The following FAT4 variants were observed in gnomAD, a reference collection of about 807,000 sequenced individuals.
FAT4 encodes the protein FAT atypical cadherin 4, also known as protocadherin Fat 4.
In FAT4, 84 loss-of-function variants were observed where a neutral mutation model predicts 303.9. The ratio of observed to expected loss-of-function variants is 0.28; its 90% confidence interval spans 0.23 to 0.33. The LOEUF is 0.33. FAT4 is among the 10% of genes least tolerant of loss of function. FAT4 has a pLI of 1.00. For missense variants in FAT4, 6,005 were observed against 6,146.8 expected (o/e 0.98, Z 0.77); for synonymous variants, 2,307 against 2,298.8 (o/e 1.00, Z -0.10).
At chr4:125,347,557 G>A (rs1332413766) in intron 2 of FAT4, among the ~76,000 whole-genome samples, 1 of 151,008 alleles carries the variant, frequency 6.6e-6, no homozygotes, top group Non-Finnish European at 1.5e-5. Context: ...ATATATATTT[G>A]ATATATAATT....
intron 2 of FAT4, among the ~76,000 whole-genome samples, chr4:125,360,979 AT>A (rs1308032805): frequency 7.5e-6 from 1 of 134,136 alleles, no homozygotes; most frequent in African/African-American, 2.7e-5. Flanking sequence ...ATTATTATTT[AT>A]TTTATTTATT....
rs571784369 is a variant in FAT4, at chr4:125,370,818, A to G, written c.5176-27966A>G. Reference sequence around the variant, plus strand: ...AATTTTCAAAAAATTTCAAAATTTTATAGAAATCATCACAGTTCTCTTTAT... The same window carrying G: ...AATTTTCAAAAAATTTCAAAATTTTGTAGAAATCATCACAGTTCTCTTTAT... On this transcript the variant is annotated intron_variant, in intron 2 of 17. Transcript: ENST00000394329. Among the ~76,000 whole-genome samples the G allele has an allele frequency of 2.0e-4, 31 of 152,298 alleles. No homozygotes were observed. The South Asian group carries it at 6.2e-3, about 31-fold the overall frequency.
Position 125,321,320 on chromosome 4 carries a change from A to G in FAT4, c.4909A>G (p.Ile1637Val). Reference protein sequence around the residue: ...PVFTQPKYITILKEGEPIGTN... With the variant: ...PVFTQPKYITVLKEGEPIGTN... ...TTTTACTCAACCCAAATATATAACTATTTTGAAGGAAGGAGAACCCATTGG... is the reference window on the plus strand; with the variant it reads ...TTTTACTCAACCCAAATATATAACTGTTTTGAAGGAAGGAGAACCCATTGG... Residue 1637 changes from isoleucine (I) to valine (V), a missense_variant, in exon 2 of 18, where the codon ATT becomes GTT. By Grantham distance (29) the Ile-to-Val change is conservative. Coordinates refer to ENST00000394329, the MANE Select transcript of FAT4 (RefSeq NM_001291303.3). The G allele has an allele frequency of 6.2e-7, 1 of 1,614,094 alleles. No homozygotes were observed. Among genetic ancestry groups the G allele is most frequent in the Non-Finnish European group, 8.5e-7 (1 of 1,179,992 alleles).
At position 125,415,751 on chromosome 4, in the gene FAT4, C is replaced by T. The variant is rs781586838; in HGVS notation, c.6788C>T (p.Pro2263Leu). ...TTTGTTCCTGTATTTGAGCTATCTC[C>T]ATATTCTGTAAATGTCCCTGAGAAT... ...NDFVPVFELS[P>L]YSVNVPENLG... The change falls in exon 6 of 18, where the codon CCA becomes CTA. Residue 2263 changes from proline (P) to leucine (L), a missense_variant. Pro to Leu is a moderately conservative substitution (Grantham distance 98). Coordinates refer to ENST00000394329, the MANE Select transcript of FAT4 (RefSeq NM_001291303.3). 3.7e-6 allele frequency: 6 copies of T among 1,613,870 alleles called. No individual in the cohort carries two copies. Among genetic ancestry groups the T allele is most frequent in the Non-Finnish European group, 5.1e-6 (6 of 1,179,852 alleles).
intron 3 of FAT4, among the ~76,000 whole-genome samples, chr4:125,406,010 G>C (rs1734590129): frequency 6.6e-6 from 1 of 151,996 alleles, no homozygotes; most frequent in South Asian, 2.1e-4. Context: ...GTTTACTGTA[G>C]AGAAACTTTA....
chr4:125,428,143 C>A (rs1414706633), intron 7 of FAT4, among the ~76,000 whole-genome samples: 1 of 151,856 alleles, frequency 6.6e-6, no homozygotes, highest in Non-Finnish European at 1.5e-5. Flanking sequence ...ACTAAAAACA[C>A]AAAAATTAGC....
chr4:125,434,460 T>A (rs925920920), intron 8 of FAT4, 35 bp downstream of exon 8: 2 of 1,592,524 alleles, frequency 1.3e-6, no homozygotes, highest in Admixed American at 3.4e-5. Flanking sequence ...TTTGTCTGTT[T>A]TCTCATTAAA....
chr4:125,328,603 T>A (rs1447397764), intron 2 of FAT4, among the ~76,000 whole-genome samples: 1 of 152,212 alleles, frequency 6.6e-6, no homozygotes, highest in Admixed American at 6.5e-5. Context: ...TACAGATTAT[T>A]TGACATTTCT....
rs150831698 is a variant in FAT4, at chr4:125,422,225, G to T, written c.7018+5603G>T. On this transcript the variant is annotated intron_variant, in intron 7 of 17. Coordinates refer to ENST00000394329, the MANE Select transcript of FAT4 (RefSeq NM_001291303.3). ...TTGTTAGGCTTTATGCCTAGAAGAT[G>T]ATAATATTGGTAATTATCACTGCCA... Among the ~76,000 whole-genome samples, 365 of 152,286 alleles carry T rather than the reference G, an allele frequency of 2.4e-3. 4 individuals are homozygous for T. The highest frequency in any genetic ancestry group is 8.1e-3 in the Admixed American group (124 of 15,300).
intron 2 of FAT4, among the ~76,000 whole-genome samples, chr4:125,347,024 A>C (rs1212727259): frequency 2.0e-5 from 3 of 151,928 alleles, no homozygotes; most frequent in Non-Finnish European, 4.4e-5. Flanking sequence ...TAGGAATGGG[A>C]GCATTTACAC....
At chr4:125,386,018 T>G (rs1202508615) in intron 2 of FAT4, among the ~76,000 whole-genome samples, 1 of 152,156 alleles carries the variant, frequency 6.6e-6, no homozygotes, top group Non-Finnish European at 1.5e-5. Flanking sequence ...GTTAATTAGT[T>G]TTAACTCTGA....
chr4:125,440,610 T>TGTGTGTGTGTGTGA lies in FAT4; in HGVS notation c.7200-5682_7200-5681insTGTGTGTGTGTGAG, dbSNP rs372756130. On this transcript the variant is annotated intron_variant, in intron 8 of 17. Coordinates refer to ENST00000394329, the MANE Select transcript of FAT4 (RefSeq NM_001291303.3). ...GTGTGTGTGTGTGTGTGTGTGTGTG[T>TGTGTGTGTGTGTGA]GAGAGAGAGAGAGAGAGAGAGAGAG... is the stretch of plus-strand genomic sequence containing the variant. 4.0e-5 allele frequency among the ~76,000 whole-genome samples: 3 copies of TGTGTGTGTGTGTGA among 75,750 alleles called. No homozygotes were observed. The Admixed American group carries it at 5.2e-4, about 13-fold the overall frequency. The allele number at this position is 75,750 out of a possible 152,430, so 49.7% of individuals were successfully genotyped here.
At chr4:125,489,826 C>A in intron 17 of FAT4, 75 bp from the exon 18 acceptor site, 1 of 1,250,240 alleles carries the variant, frequency 8.0e-7, no homozygotes, top group Non-Finnish European at 1.1e-6. Flanking sequence ...TTTACAAGAA[C>A]CCAGCAGTGT....
Position 125,374,485 on chromosome 4 carries a change from T to C in FAT4, c.5176-24299T>C, listed in dbSNP as rs73845990. Among the ~76,000 whole-genome samples the C allele has an allele frequency of 9.2e-3, 1,402 of 152,246 alleles. 22 individuals are homozygous for C. Among genetic ancestry groups the C allele is most frequent in the African/African-American group, 0.032 (1,314 of 41,546 alleles). Reference sequence around the variant, plus strand: ...GAAGCCATCTTGGCTTCAACAGAAATAAATTATTTGAATAGGATTCACGTC... The same window carrying C: ...GAAGCCATCTTGGCTTCAACAGAAACAAATTATTTGAATAGGATTCACGTC... On this transcript the variant is annotated intron_variant, in intron 2 of 17. Transcript: ENST00000394329.
At position 125,468,947 on chromosome 4, in the gene FAT4, A is replaced by G. The variant is rs34321538; in HGVS notation, c.12213+128A>G. The G allele has an allele frequency of 0.76, 749,680 of 980,480 alleles. 288,123 individuals are homozygous for G. The highest frequency in any genetic ancestry group is 0.86 in the East Asian group (33,832 of 39,312). The allele number at this position is 980,480 out of a possible 1,614,324, so 60.7% of individuals were successfully genotyped here. A position where few individuals can be genotyped will look rare whatever the true frequency, so the allele number is the denominator to read the frequency against. ...AACACTTTAGTTATGAAAAACTTAG[A>G]CATAATATTTTTCTTTTGCTCATGA... On this transcript the variant is annotated intron_variant, in intron 12 of 17. Coordinates refer to ENST00000394329, the MANE Select transcript of FAT4 (RefSeq NM_001291303.3).
Position 125,491,816 on chromosome 4 carries a change from A to C in FAT4, c.*48A>C. ...AATATAAAAACAAGAAATAATACTC[A>C]AACCATTGTAAAGTTGCTGACTAGG... On this transcript the variant is annotated 3_prime_UTR_variant, in exon 18 of 18. Transcript: ENST00000394329. The C allele has an allele frequency of 4.0e-6, 6 of 1,500,150 alleles. No homozygotes were observed. The highest frequency in any genetic ancestry group is 1.4e-5 in the South Asian group (1 of 72,454). 92.9% of individuals were successfully genotyped at this position (1,500,150 alleles called of 1,614,324 possible).
chr4:125,462,807 T>G (rs537451384), intron 10 of FAT4, among the ~76,000 whole-genome samples: 1 of 152,036 alleles, frequency 6.6e-6, no homozygotes, highest in Admixed American at 6.6e-5. Flanking sequence ...CCTACTGAAA[T>G]GGAAACACAG....
At chr4:125,359,644 T>A (rs1451709827) in intron 2 of FAT4, among the ~76,000 whole-genome samples, 8 of 152,130 alleles carry the variant, frequency 5.3e-5, no homozygotes, top group African/African-American at 1.9e-4. Flanking sequence ...GGTATGAGTA[T>A]CATAACCAAA....
In FAT4 at chr4:125,448,953, TC is replaced by T; in HGVS notation, c.7946del (p.Pro2649LeufsTer11). 2 of 1,613,786 alleles carry T rather than the reference TC, an allele frequency of 1.2e-6. No individual in the cohort carries two copies. Among genetic ancestry groups the T allele is most frequent in the Non-Finnish European group, 1.7e-6 (2 of 1,179,920 alleles). ...VVWIEARDGG[F>X]PPFSSYEKLD... Reference sequence around the variant, plus strand: ...TGGATAGAGGCCAGAGACGGTGGTTTCCCTCCTTTCTCCTCTTACGAGAAAC... The same window carrying T: ...TGGATAGAGGCCAGAGACGGTGGTTTCCTCCTTTCTCCTCTTACGAGAAAC... On this transcript the variant is annotated frameshift_variant, in exon 10 of 18. Coordinates refer to ENST00000394329, the MANE Select transcript of FAT4 (RefSeq NM_001291303.3). LOFTEE classifies it high-confidence loss of function.
Sources: allele counts gnomAD v4.1 joint callset (sites outside exome capture counted in the v4.1 genomes callset), GRCh38; gene constraint gnomAD v4.1.1; transcripts MANE v1.5; gene names NCBI Gene and HGNC (gene_info 2026-07-23, HGNC 2026-07-21).